Variants in NAV2 observed in about 807,000 individuals in gnomAD.
NAV2 encodes helicase, APC down-regulated 1.
NAV2 carries 54 observed loss-of-function variants against 223.2 expected under a neutral mutation model. The ratio of observed to expected loss-of-function variants is 0.24; its 90% CI spans 0.19 to 0.30. The LOEUF is 0.30. NAV2 is among the 10% of genes least tolerant of loss of function. NAV2 has a pLI of 1.00. For synonymous variants in NAV2, 1,279 were observed against 1,239.3 expected (o/e 1.03, Z -0.67); for missense variants, 2,806 against 3,147.5 (o/e 0.89, Z 2.60).
At chr11:19,432,645 G>T (rs1162841881) in intron 1 of NAV2, among the ~76,000 whole-genome samples, 1 of 152,172 alleles carries the variant, frequency 6.6e-6, no homozygotes, top group African/African-American at 2.4e-5. Flanking sequence ...GTGGTATGGA[G>T]AGCAGCAGAA....
At chr11:19,467,993 G>T (rs1284423599) in intron 1 of NAV2, among the ~76,000 whole-genome samples, 1 of 152,200 alleles carries the variant, frequency 6.6e-6, no homozygotes, top group Admixed American at 6.5e-5. Context: ...TGGGAGGTGG[G>T]CATAAGGAAG....
chr11:20,033,670 G>A (rs781211923), intron 11 of NAV2, among the ~76,000 whole-genome samples: 1 of 152,190 alleles, frequency 6.6e-6, no homozygotes, highest in Non-Finnish European at 1.5e-5. Context: ...CGATGTTCCA[G>A]GTTGGGTTTT....
intron 36 of NAV2, among the ~76,000 whole-genome samples, chr11:20,108,866 C>G (rs984847157): frequency 1.9e-4 from 29 of 152,200 alleles, no homozygotes; most frequent in Non-Finnish European, 3.2e-4. Flanking sequence ...CTAAGAAGTT[C>G]TGTAGGCTTT....
At chr11:19,964,184 A>G (rs574234333) in intron 10 of NAV2, among the ~76,000 whole-genome samples, 1 of 152,304 alleles carries the variant, frequency 6.6e-6, no homozygotes, top group African/African-American at 2.4e-5. Flanking sequence ...GAGATTGAGG[A>G]CAGCTAACAG....
At chr11:19,789,919 C>CA (rs1367780489) in intron 1 of NAV2, among the ~76,000 whole-genome samples, 1 of 152,184 alleles carries the variant, frequency 6.6e-6, no homozygotes, top group Non-Finnish European at 1.5e-5. Flanking sequence ...TCTCTGATTA[C>CA]CCTTCTCATG....
At chr11:19,900,479 C>A (rs143228076) in intron 6 of NAV2, among the ~76,000 whole-genome samples, 2 of 152,254 alleles carry the variant, frequency 1.3e-5, no homozygotes, top group East Asian at 1.9e-4. Flanking sequence ...CTCAAAAGAC[C>A]ATCACAGGCC....
At chr11:19,425,799 T>G (rs1469153934) in intron 1 of NAV2, among the ~76,000 whole-genome samples, 1 of 152,170 alleles carries the variant, frequency 6.6e-6, no homozygotes, top group African/African-American at 2.4e-5. Flanking sequence ...TTAAATCCCT[T>G]TTTGGTTATT....
chr11:19,536,640 T>C (rs947991077), intron 1 of NAV2, among the ~76,000 whole-genome samples: 1 of 152,240 alleles, frequency 6.6e-6, no homozygotes, highest in African/African-American at 2.4e-5. Flanking sequence ...GTTATTCCTA[T>C]TGAATTGATA....
rs1554945487 is a variant in NAV2 at position 19,484,158 on chromosome 11, A to ACACACC, written c.75+133132_75+133133insACACCC. ...CACACACACACACACACACACACAC[A>ACACACC]CCCCAAGTCTCAGAGCTTTCCAAGA... On this transcript the variant is annotated intron_variant, in intron 1 of 37. Coordinates refer to the NAV2 transcript ENST00000360655. Among the ~76,000 whole-genome samples, 447 of 150,068 alleles carry ACACACC rather than the reference A, an allele frequency of 3.0e-3. 2 individuals are homozygous for ACACACC. Among genetic ancestry groups the ACACACC allele is most frequent in the Non-Finnish European group, 5.1e-3 (341 of 67,370 alleles).
chr11:19,647,476 A>T (rs2047850237), intron 1 of NAV2, among the ~76,000 whole-genome samples: 1 of 152,014 alleles, frequency 6.6e-6, no homozygotes, highest in African/African-American at 2.4e-5. Context: ...CACCAACATC[A>T]TCCCTCATCC....
chr11:20,014,012 G>A (rs544144404), intron 11 of NAV2, among the ~76,000 whole-genome samples: 17 of 152,316 alleles, frequency 1.1e-4, no homozygotes, highest in Admixed American at 6.5e-4. Context: ...GCCCTGCAGC[G>A]CATCCTACAA....
chr11:19,903,677 C>T (rs2042629088), intron 6 of NAV2, among the ~76,000 whole-genome samples: 1 of 151,832 alleles, frequency 6.6e-6, no homozygotes, highest in Non-Finnish European at 1.5e-5. Flanking sequence ...AGTCCTTTGG[C>T]TCCAGGACAG....
chr11:19,767,254 G>A (rs1252423100), intron 1 of NAV2, among the ~76,000 whole-genome samples: 1 of 152,200 alleles, frequency 6.6e-6, no homozygotes, highest in East Asian at 1.9e-4. Flanking sequence ...CTTGATTGTA[G>A]TAAATAAGAC....
At chr11:19,606,482 T>G (rs2046477502) in intron 1 of NAV2, among the ~76,000 whole-genome samples, 1 of 152,146 alleles carries the variant, frequency 6.6e-6, no homozygotes, top group South Asian at 2.1e-4. Context: ...ATTTTCCACT[T>G]TTTTCTCCCT....
At chr11:19,858,688 G>A (rs1415720099) in intron 3 of NAV2, among the ~76,000 whole-genome samples, 3 of 152,142 alleles carry the variant, frequency 2.0e-5, no homozygotes, top group Non-Finnish European at 4.4e-5. Context: ...AGGTCTTAGG[G>A]TTTCTCATGC....
chr11:19,917,897 G>A (rs1025362554), intron 6 of NAV2, among the ~76,000 whole-genome samples: 1 of 152,240 alleles, frequency 6.6e-6, no homozygotes, highest in Non-Finnish European at 1.5e-5. Context: ...GATTACAAGC[G>A]TGATCCACTG....
intron 1 of NAV2, among the ~76,000 whole-genome samples, chr11:19,791,156 T>G (rs952543714): frequency 1.8e-4 from 28 of 152,104 alleles, no homozygotes; most frequent in African/African-American, 6.5e-4. Flanking sequence ...TTAACCATTC[T>G]CGGCCAGGAA....
chr11:20,092,987 T>TCCCCCCCCCCCCCCC, intron 28 of NAV2, 112 bp from the exon 29 acceptor site: 1 of 81,634 alleles, frequency 1.2e-5, no homozygotes, highest in Non-Finnish European at 2.9e-5. Context: ...CCCCACCCCC[T>TCCCCCCCCCCCCCCC]GCACCCTGAC....
intron 1 of NAV2, among the ~76,000 whole-genome samples, chr11:19,415,657 G>A (rs1033720156): frequency 5.3e-5 from 8 of 152,064 alleles, no homozygotes; most frequent in African/African-American, 1.2e-4. Flanking sequence ...AAAATTTCAG[G>A]CCAATATCCC....
Sources: allele counts gnomAD v4.1 joint callset (sites outside exome capture counted in the v4.1 genomes callset), GRCh38; gene constraint gnomAD v4.1.1; transcripts MANE v1.5; gene names NCBI Gene and HGNC (gene_info 2026-07-23, HGNC 2026-07-21).